Variants in FAM3B observed in about 807,000 individuals in gnomAD.
FAM3B encodes the protein protein FAM3B.
FAM3B carries 29 observed loss-of-function variants against 28.4 expected under a neutral mutation model. That is an observed-to-expected ratio of 1.02 (90% CI 0.76 to 1.39). FAM3B has a LOEUF of 1.39. Among genes scored for constraint, FAM3B ranks in the 40% most tolerant of loss-of-function variants. The probability of loss-of-function intolerance (pLI) is 0.00; values close to 1 mark genes in which losing one functional copy is unlikely to be tolerated. For synonymous variants in FAM3B, 91 were observed against 103.0 expected, an observed-to-expected ratio of 0.88 and a Z score of 0.71; for missense variants, 266 against 293.9, an observed-to-expected ratio of 0.91 and a Z score of 0.69.
intron 3 of FAM3B, among the ~76,000 whole-genome samples, chr21:41,343,954 C>T (rs1040204900): frequency 9.2e-5 from 14 of 152,012 alleles, no homozygotes; most frequent in South Asian, 2.1e-4. Context: ...TCCGTCTCTA[C>T]AAAAAAATTT....
At chr21:41,313,321 A>G (rs2088726265), upstream of FAM3B, among the ~76,000 whole-genome samples, 3 of 152,280 alleles carry the variant, frequency 2.0e-5, no homozygotes, top group Admixed American at 6.5e-5. Flanking sequence ...ATAAATACAA[A>G]GAACTTTCTG....
chr21:41,324,849 C>T (rs1242326590), intron 2 of FAM3B, among the ~76,000 whole-genome samples: 1 of 152,180 alleles, frequency 6.6e-6, no homozygotes, highest in Non-Finnish European at 1.5e-5. Context: ...CACCTATAAT[C>T]GCAGCACTTT....
chr21:41,316,208 A>G (rs2088747738), upstream of FAM3B, among the ~76,000 whole-genome samples: 1 of 152,196 alleles, frequency 6.6e-6, no homozygotes. Flanking sequence ...TCATCATATC[A>G]TATAAAGGAG....
intron 2 of FAM3B, among the ~76,000 whole-genome samples, chr21:41,329,519 G>T (rs917256750): frequency 6.6e-6 from 1 of 151,854 alleles, no homozygotes; most frequent in African/African-American, 2.4e-5. Flanking sequence ...GAGTAGAGGT[G>T]CTGGCAACTT....
Position 41,357,183 on chromosome 21 carries a change from A to G in FAM3B, c.694A>G (p.Lys232Glu). ...GATCCAGATAGAAGGCTGCATACCC[A>G]AAGAACGAAGCTGACACTGCAGGGT... Reference protein sequence around the residue: ...AEIQIEGCIPKERS With the variant: ...AEIQIEGCIPEERS Residue 232 changes from lysine (K) to glutamate (E), a missense_variant, in exon 8 of 8, where the codon AAA (lysine) becomes GAA (glutamate). Physicochemically the swap from Lys to Glu is moderately conservative, Grantham distance 56. Transcript: ENST00000357985. 1 of 1,612,792 alleles carries G rather than the reference A, an allele frequency of 6.2e-7. No homozygotes were observed. Among genetic ancestry groups the G allele is most frequent in the South Asian group, 1.1e-5 (1 of 90,946 alleles).
Position 41,344,467 on chromosome 21 carries a change from C to G in FAM3B, c.288-9C>G, listed in dbSNP as rs747154147. On this transcript the variant is annotated splice_polypyrimidine_tract_variant and intron_variant, in intron 3 of 7. Transcript: ENST00000357985. ...CTTGGTACTTGACTAATGCTTAGCT[C>G]CATTTCAGACTTATGGGAGAACAGC... 2 of 1,613,680 alleles carry G rather than the reference C, an allele frequency of 1.2e-6. No homozygotes were observed. Among genetic ancestry groups the G allele is most frequent in the Non-Finnish European group, 1.7e-6 (2 of 1,179,678 alleles).
At chr21:41,327,725 G>C (rs143181215) in intron 2 of FAM3B, among the ~76,000 whole-genome samples, 3,565 of 152,288 alleles carry the variant, frequency 0.023, 74 homozygotes, top group South Asian at 0.091. Flanking sequence ...ACTTGTAATA[G>C]TTCAGCTGGC....
chr21:41,309,201 T>C (rs1031325845), intron 1 of FAM3B, among the ~76,000 whole-genome samples: 1 of 152,236 alleles, frequency 6.6e-6, no homozygotes, highest in African/African-American at 2.4e-5. Flanking sequence ...AGTTAGATGA[T>C]CCTGTAAACT....
At chr21:41,353,388 GT>G (rs1201060052) in intron 7 of FAM3B, among the ~76,000 whole-genome samples, 1 of 152,180 alleles carries the variant, frequency 6.6e-6, no homozygotes, top group Non-Finnish European at 1.5e-5. Flanking sequence ...GGGCTCACAT[GT>G]TCCAATTTCA....
At chr21:41,340,281 G>A (rs992354105) in intron 3 of FAM3B, among the ~76,000 whole-genome samples, 1 of 151,702 alleles carries the variant, frequency 6.6e-6, no homozygotes, top group African/African-American at 2.4e-5. Context: ...AGCCTCCTGA[G>A]TAGCTGAGGC....
Position 41,331,099 on chromosome 21 carries a change from C to T in FAM3B, c.164-7279C>T, listed in dbSNP as rs934637028. Among the ~76,000 whole-genome samples, 5 of 152,346 alleles carry T rather than the reference C, an allele frequency of 3.3e-5. No homozygotes were observed. The South Asian group carries it at 8.3e-4, about 25-fold the overall frequency. Reference sequence around the variant, plus strand: ...TTTGCTCCACATCTTCACCAACACTCATTATCTTTCCTGTTATTAGTAATA... The same window carrying T: ...TTTGCTCCACATCTTCACCAACACTTATTATCTTTCCTGTTATTAGTAATA... On this transcript the variant is annotated intron_variant, in intron 2 of 7. Coordinates refer to ENST00000357985, the MANE Select transcript of FAM3B (RefSeq NM_058186.4).
chr21:41,334,101 T>C (rs1255325484), intron 2 of FAM3B, among the ~76,000 whole-genome samples: 1 of 152,154 alleles, frequency 6.6e-6, no homozygotes, highest in Non-Finnish European at 1.5e-5. Context: ...TAACCTGCGC[T>C]TATAAGTGTG....
At position 41,321,301 on chromosome 21, in the gene FAM3B, G is replaced by A. The variant is rs1444175374; in HGVS notation, c.20-1622G>A. ...GGCCCTGGAGGGAAGCATCTGTGGT[G>A]TCTGTGTGGGCGCTGTGGCTGGGCT... On this transcript the variant is annotated intron_variant, in intron 1 of 7. Transcript: ENST00000357985. Among the ~76,000 whole-genome samples the A allele has an allele frequency of 3.3e-5, 5 of 152,344 alleles. No homozygotes were observed. The East Asian group carries it at 9.6e-4, about 29-fold the overall frequency.
At chr21:41,336,250 G>T (rs917313724) in intron 2 of FAM3B, among the ~76,000 whole-genome samples, 3 of 152,162 alleles carry the variant, frequency 2.0e-5, no homozygotes, top group African/African-American at 7.2e-5. Context: ...GGCCAGGCAT[G>T]GGGGCTCACA....
At chr21:41,349,059 C>T (rs2089090605) in intron 7 of FAM3B, among the ~76,000 whole-genome samples, 1 of 152,180 alleles carries the variant, frequency 6.6e-6, no homozygotes, top group Non-Finnish European at 1.5e-5. Flanking sequence ...TGGCTGAGAG[C>T]ATGAACAGAC....
chr21:41,324,394 C>T (rs2088837275), intron 2 of FAM3B, among the ~76,000 whole-genome samples: 3 of 152,076 alleles, frequency 2.0e-5, no homozygotes, highest in Non-Finnish European at 2.9e-5. Context: ...TACACAAGGG[C>T]GAGAGTATGG....
intron 2 of FAM3B, among the ~76,000 whole-genome samples, chr21:41,337,339 T>C (rs2088964418): frequency 6.6e-6 from 1 of 152,174 alleles, no homozygotes; most frequent in African/African-American, 2.4e-5. Flanking sequence ...CTCGGGGATC[T>C]GAGTGGGATC....
rs1171681502 is a variant in FAM3B at position 41,321,448 on chromosome 21, C to T, written c.20-1475C>T. Among the ~76,000 whole-genome samples the T allele has an allele frequency of 2.6e-5, 4 of 152,300 alleles. No individual in the cohort carries two copies. In the East Asian group the frequency reaches 7.7e-4, roughly 29 times the overall value. On this transcript the variant is annotated intron_variant, in intron 1 of 7. Coordinates refer to ENST00000357985, the MANE Select transcript of FAM3B (RefSeq NM_058186.4). ...CAGCTGCGGGAGAGGGGCCTGCAAGCCTGCACCTGTCTCATTTTGTTTTCT... is the reference window on the plus strand; with the variant it reads ...CAGCTGCGGGAGAGGGGCCTGCAAGTCTGCACCTGTCTCATTTTGTTTTCT...
rs2089176527 is a variant in FAM3B at position 41,357,364 on chromosome 21, T to C, written c.*167T>C. 1 of 453,700 alleles carries C rather than the reference T, an allele frequency of 2.2e-6. No individual in the cohort carries two copies. Among genetic ancestry groups the C allele is most frequent in the Non-Finnish European group, 4.1e-6 (1 of 245,712 alleles). The allele number at this position is 453,700 out of a possible 1,614,324, so 28.1% of individuals were successfully genotyped here. On this transcript the variant is annotated 3_prime_UTR_variant, in exon 8 of 8. Transcript: ENST00000357985. The stretch of plus-strand genomic sequence containing the variant: ...TATCAAATCTTGGTACGCAGTATTT[T>C]TATACCAGTATTTTATGTAGTGAAG...
Sources: gnomAD v4.1 joint callset for allele counts (sites outside exome capture counted in the v4.1 genomes callset) on GRCh38, gnomAD v4.1.1 for gene constraint, MANE v1.5 for transcripts, NCBI Gene and HGNC (gene_info 2026-07-23, HGNC 2026-07-21) for gene names.